The following FSD1L variants were observed in gnomAD, a reference collection of about 807,000 sequenced individuals.
FSD1L encodes FSD1-like protein.
FSD1L carries 45 observed loss-of-function variants against 71.6 expected under a neutral mutation model. The observed-to-expected ratio is 0.63, with a 90% CI of 0.49 to 0.81. FSD1L has a LOEUF of 0.81. Among genes scored for constraint, FSD1L ranks in the 30% least tolerant of loss-of-function variants. The pLI is 0.00. For missense variants in FSD1L, 561 were observed against 618.1 expected (o/e 0.91, Z 0.98); for synonymous variants, 197 against 207.2 (o/e 0.95, Z 0.42).
Position 105,512,898 on chromosome 9 carries a change from T to C in FSD1L, c.987T>C (p.Gly329=). The C allele has an allele frequency of 6.5e-7, 1 of 1,539,490 alleles. No homozygotes were observed. The highest frequency in any genetic ancestry group is 8.8e-7 in the Non-Finnish European group (1 of 1,142,150). Residue 329 remains glycine, a synonymous_variant, in exon 10 of 14, where the codon GGT becomes GGC. Transcript: ENST00000481272. ...CVEWDPTGGK[G]QESKIKGKEN... ...AGTGGGATCCTACTGGAGGAAAAGG[T>C]CAAGAAAGTAAAATTAAAGGAAAAG...
chr9:105,473,756 T>A (rs937834895), intron 5 of FSD1L, among the ~76,000 whole-genome samples: 3 of 152,340 alleles, frequency 2.0e-5, no homozygotes, highest in Middle Eastern at 3.4e-3. Flanking sequence ...AAAAGTTTAT[T>A]TCTCCCACGT....
At chr9:105,520,599 C>T in intron 10 of FSD1L, 4 of 1,524,200 alleles carry the variant, frequency 2.6e-6, no homozygotes, top group Non-Finnish European at 3.6e-6. Context: ...AAAGAAGCTA[C>T]TTCACACAGG....
chr9:105,448,954 A>G (rs1829811256), intron 1 of FSD1L, among the ~76,000 whole-genome samples: 1 of 152,238 alleles, frequency 6.6e-6, no homozygotes, highest in South Asian at 2.1e-4. Context: ...TATTTGGAGA[A>G]CAAAGCCAAT....
At chr9:105,457,664 T>C (rs2131588165) in intron 1 of FSD1L, among the ~76,000 whole-genome samples, 1 of 152,394 alleles carries the variant, frequency 6.6e-6, no homozygotes, top group East Asian at 1.9e-4. Flanking sequence ...TCATGCCGGC[T>C]GGGCTTGTTC....
chr9:105,505,309 G>A (rs551911874), intron 7 of FSD1L, among the ~76,000 whole-genome samples: 2 of 152,340 alleles, frequency 1.3e-5, no homozygotes, highest in South Asian at 2.1e-4. Flanking sequence ...TGCCCAGGCT[G>A]GAGTGTAGTG....
At chr9:105,524,398 A>T in intron 10 of FSD1L, 1 of 1,613,916 alleles carries the variant, frequency 6.2e-7, no homozygotes, top group Non-Finnish European at 8.5e-7. Context: ...TCATCTTATG[A>T]AATGGACAAG....
At chr9:105,519,460 G>A (rs755326127) in intron 10 of FSD1L, among the ~76,000 whole-genome samples, 2 of 152,116 alleles carry the variant, frequency 1.3e-5, no homozygotes, top group Non-Finnish European at 2.9e-5. Flanking sequence ...CCACAATCAA[G>A]TCGGCTTCAT....
At chr9:105,509,546 A>G (rs556815263) in intron 9 of FSD1L, among the ~76,000 whole-genome samples, 4 of 152,300 alleles carry the variant, frequency 2.6e-5, no homozygotes, top group African/African-American at 9.6e-5. Context: ...GGCACTTGGG[A>G]CTTAAGGCAT....
In FSD1L at chr9:105,495,814, A is replaced by C. The variant is rs371397041; in HGVS notation, c.587-10585A>C. 6.6e-5 allele frequency among the ~76,000 whole-genome samples: 10 copies of C among 152,122 alleles called. No homozygotes were observed. In the South Asian group the frequency reaches 1.0e-3, roughly 16 times the overall value. On this transcript the variant is annotated intron_variant, in intron 7 of 13. Coordinates refer to ENST00000481272, the MANE Select transcript of FSD1L (RefSeq NM_001145313.3). Reference sequence around the variant, plus strand: ...ACATGGTGAAACCTCCTCTGTACTAAAAATACAAAAATTAGCTGGGCGTAG... The same window carrying C: ...ACATGGTGAAACCTCCTCTGTACTACAAATACAAAAATTAGCTGGGCGTAG...
Position 105,461,524 on chromosome 9 carries a change from G to T in FSD1L, c.20G>T (p.Cys7Phe). Residue 7 changes from cysteine (C) to phenylalanine (F), a missense_variant, in exon 2 of 14, where the codon TGC becomes TTC. By Grantham distance (205) the Cys-to-Phe change is radical. Coordinates refer to ENST00000481272, the MANE Select transcript of FSD1L (RefSeq NM_001145313.3). Reference sequence around the variant, plus strand: ...TACTGTATTTATATTGGACAGTACTGCTTTAAGGAGAATGAAAACGTTACA... The same window carrying T: ...TACTGTATTTATATTGGACAGTACTTCTTTAAGGAGAATGAAAACGTTACA... MDSQKY[C>F]FKENENVTVD... 1 of 1,546,962 alleles carries T rather than the reference G, an allele frequency of 6.5e-7. No individual in the cohort carries two copies.
rs75484144 is a variant in FSD1L, at chr9:105,533,157, T to C, written c.1026-1336T>C. Among the ~76,000 whole-genome samples, 1,380 of 152,196 alleles carry C rather than the reference T, an allele frequency of 9.1e-3. 22 individuals carry two copies. Among genetic ancestry groups the C allele is most frequent in the African/African-American group, 0.032 (1,323 of 41,552 alleles). On this transcript the variant is annotated intron_variant, in intron 10 of 13. Coordinates refer to ENST00000481272, the MANE Select transcript of FSD1L (RefSeq NM_001145313.3). ...TTATCCCCATATCCCCCAAATACTT[T>C]TAGGATAATCTTGACCAAAAAATCT...
intron 7 of FSD1L, among the ~76,000 whole-genome samples, chr9:105,495,535 C>G (rs1833319784): frequency 6.6e-6 from 1 of 152,226 alleles, no homozygotes; most frequent in African/African-American, 2.4e-5. Context: ...CTGGCACTCC[C>G]TAGTGAGATG....
chr9:105,472,943 C>T (rs934021488), intron 5 of FSD1L: 1 of 152,114 alleles, frequency 6.6e-6, no homozygotes, highest in Non-Finnish European at 1.5e-5. Flanking sequence ...CTTACTAATG[C>T]ACATAGGTGG....
At chr9:105,507,972 A>G (rs1589039803) in intron 8 of FSD1L, among the ~76,000 whole-genome samples, 1 of 148,192 alleles carries the variant, frequency 6.7e-6, no homozygotes, top group South Asian at 2.1e-4. Flanking sequence ...GCTCACGGCA[A>G]CCTCTGCCTC....
chr9:105,485,108 T>C (rs927352318), intron 7 of FSD1L, among the ~76,000 whole-genome samples: 1 of 152,208 alleles, frequency 6.6e-6, no homozygotes, highest in Non-Finnish European at 1.5e-5. Context: ...TCCTAAATTA[T>C]TCACATATGT....
intron 4 of FSD1L, among the ~76,000 whole-genome samples, chr9:105,471,138 T>TG (rs1250027393): frequency 6.6e-6 from 1 of 152,230 alleles, no homozygotes; most frequent in African/African-American, 2.4e-5. Flanking sequence ...AAAGTGGCCA[T>TG]GGGTCATGTC....
chr9:105,493,375 A>G (rs1035541136), intron 7 of FSD1L, among the ~76,000 whole-genome samples: 1 of 151,820 alleles, frequency 6.6e-6, no homozygotes, highest in Non-Finnish European at 1.5e-5. Context: ...CCATCCTTTT[A>G]TTTTGAGCCT....
At chr9:105,511,797 AT>A (rs1276700252) in intron 9 of FSD1L, among the ~76,000 whole-genome samples, 1 of 152,180 alleles carries the variant, frequency 6.6e-6, no homozygotes, top group African/African-American at 2.4e-5. Flanking sequence ...ATCAAACAAA[AT>A]AAACCTATAG....
intron 5 of FSD1L, among the ~76,000 whole-genome samples, chr9:105,474,540 G>T (rs76050798): frequency 6.6e-6 from 1 of 152,322 alleles, no homozygotes; most frequent in Non-Finnish European, 1.5e-5. Flanking sequence ...CTACAGGCCT[G>T]CCTCAAACAC....
Sources: gnomAD v4.1 joint callset for allele counts (sites outside exome capture counted in the v4.1 genomes callset) on GRCh38, gnomAD v4.1.1 for gene constraint, MANE v1.5 for transcripts, NCBI Gene and HGNC (gene_info 2026-07-23, HGNC 2026-07-21) for gene names.